DLC1: variants seen among roughly 807,000 people sequenced by gnomAD.
DLC1 encodes the protein DLC1 Rho GTPase activating protein.
DLC1 carries 54 observed loss-of-function variants against 140.3 expected under a neutral mutation model. The ratio of observed to expected loss-of-function variants is 0.38; its 90% confidence interval spans 0.31 to 0.48. DLC1 has a LOEUF of 0.48. Among genes scored for constraint, DLC1 ranks in the 20% least tolerant of loss-of-function variants. The pLI is 0.96. For synonymous variants in DLC1, 986 were observed against 728.1 expected, an observed-to-expected ratio of 1.35 and a Z score of -5.70; for missense variants, 2,536 against 1,907.0, an observed-to-expected ratio of 1.33 and a Z score of -6.14.
intron 4 of DLC1, among the ~76,000 whole-genome samples, chr8:13,347,875 G>C (rs142141767): frequency 1.9e-4 from 29 of 152,150 alleles, no homozygotes; most frequent in African/African-American, 7.0e-4. Context: ...GGATCACAAG[G>C]TCAGGATATC....
chr8:13,412,863 C>A lies in DLC1; in HGVS notation c.1024-11244G>T, dbSNP rs565640268. 4.9e-3 allele frequency among the ~76,000 whole-genome samples: 671 copies of A among 137,624 alleles called. 3 individuals carry two copies. The highest frequency in any genetic ancestry group is 0.017 in the African/African-American group (642 of 37,246). 90.3% of individuals were successfully genotyped at this position (137,624 alleles called of 152,430 possible). On this transcript the variant is annotated intron_variant, in intron 2 of 17. Coordinates refer to ENST00000276297, the MANE Select transcript of DLC1 (RefSeq NM_182643.3). ...AGGAGAATGGCGTGAACCCAGGAGG[C>A]GGAGCTTGCAGTAAGCTGAGATCGT...
chr8:13,562,731 A>G (rs538511204), intron 1 of DLC1, among the ~76,000 whole-genome samples: 143 of 152,310 alleles, frequency 9.4e-4, no homozygotes, highest in African/African-American at 3.3e-3. Context: ...TCTTGAAAAT[A>G]TATCTCCACA....
chr8:13,199,571 T>C (rs1017179500), intron 5 of DLC1, among the ~76,000 whole-genome samples: 1 of 152,204 alleles, frequency 6.6e-6, no homozygotes, highest in South Asian at 2.1e-4. Context: ...TTCCCTTCTG[T>C]CTATTGTATT....
At chr8:13,091,140 C>T (rs1406661049) in intron 14 of DLC1, among the ~76,000 whole-genome samples, 178 bp downstream of exon 14, 1 of 152,126 alleles carries the variant, frequency 6.6e-6, no homozygotes, top group East Asian at 1.9e-4. Context: ...TTTCATTAAA[C>T]ATGATTAACT....
At chr8:13,104,577 A>G (rs1189743307) in intron 7 of DLC1, among the ~76,000 whole-genome samples, 2 of 152,152 alleles carry the variant, frequency 1.3e-5, no homozygotes, top group African/African-American at 4.8e-5. Flanking sequence ...TTTTCCTACG[A>G]ATTGCAATTC....
At chr8:13,367,455 A>AGAAAAGC (rs1835541442) in intron 4 of DLC1, among the ~76,000 whole-genome samples, 1 of 152,200 alleles carries the variant, frequency 6.6e-6, no homozygotes, top group Non-Finnish European at 1.5e-5. Flanking sequence ...GCCCAATAGA[A>AGAAAAGC]GAAAAGCAAA....
In DLC1 at chr8:13,106,079, C is replaced by T. The variant is rs117719435; in HGVS notation, c.1503-3226G>A. On this transcript the variant is annotated intron_variant, in intron 7 of 17. Transcript: ENST00000276297. ...CCTCTTATCTCCTGGGCAACTTCTA[C>T]CCTGCTCTGAAGAGGGAGGAGTGCA... Among the ~76,000 whole-genome samples the T allele has an allele frequency of 3.3e-5, 5 of 152,268 alleles. No homozygotes were observed. The East Asian group carries it at 9.7e-4, about 29-fold the overall frequency.
chr8:13,594,760 A>G (rs1805630861), intron 1 of DLC1, among the ~76,000 whole-genome samples: 1 of 152,036 alleles, frequency 6.6e-6, no homozygotes, highest in Non-Finnish European at 1.5e-5. Context: ...TTTAATACCC[A>G]TATTTACAAT....
chr8:13,090,546 T>G, intron 14 of DLC1, 76 bp from the exon 15 acceptor site: 1 of 1,540,800 alleles, frequency 6.5e-7, no homozygotes, highest in Non-Finnish European at 8.8e-7. Flanking sequence ...TGGAAAAGAC[T>G]GGGTAGGAAC....
chr8:13,421,014 C>G (rs1005664774), intron 2 of DLC1, among the ~76,000 whole-genome samples: 1 of 152,094 alleles, frequency 6.6e-6, no homozygotes, highest in African/African-American at 2.4e-5. Flanking sequence ...GTGGGTCTCT[C>G]CGGTATGGAC....
upstream of DLC1, among the ~76,000 whole-genome samples, chr8:13,516,914 T>C (rs1335453559): frequency 2.0e-5 from 3 of 152,196 alleles, no homozygotes; most frequent in African/African-American, 7.2e-5. Context: ...TCAGATATTC[T>C]AGCTCCAAGC....
chr8:13,533,212 G>A (rs955492649), intron 1 of DLC1, among the ~76,000 whole-genome samples: 6 of 150,796 alleles, frequency 4.0e-5, no homozygotes, highest in Non-Finnish European at 5.9e-5. Context: ...ATATAACCAC[G>A]AACAATGTTA....
At chr8:13,283,293 AAC>A (rs58438325) in intron 5 of DLC1, among the ~76,000 whole-genome samples, 10,939 of 144,538 alleles carry the variant, frequency 0.076, 419 homozygotes, top group South Asian at 0.096. Flanking sequence ...ATCCTACTGA[AAC>A]ACACACACAC....
intron 7 of DLC1, 125 bp downstream of exon 7, chr8:13,110,617 C>G (rs1820007714): frequency 1.1e-6 from 1 of 871,266 alleles, no homozygotes. Context: ...TATGATCACT[C>G]TATGGTTTGC....
intron 5 of DLC1, among the ~76,000 whole-genome samples, chr8:13,181,759 CA>C (rs1359121844): frequency 1.8e-4 from 28 of 152,148 alleles, no homozygotes; most frequent in Non-Finnish European, 3.7e-4. Context: ...GGGTTGGTTC[CA>C]AGTCTTTGCT....
At chr8:13,323,283 T>C (rs1833200225) in intron 4 of DLC1, among the ~76,000 whole-genome samples, 2 of 152,264 alleles carry the variant, frequency 1.3e-5, no homozygotes, top group Non-Finnish European at 2.9e-5. Flanking sequence ...CTATATTTTA[T>C]ATACATCTGT....
intron 5 of DLC1, chr8:13,304,795 G>GA: frequency 5.2e-6 from 5 of 962,634 alleles, no homozygotes; most frequent in Non-Finnish European, 6.2e-6. Context: ...ACAGAACACA[G>GA]AAAAATACTA....
intron 5 of DLC1, among the ~76,000 whole-genome samples, chr8:13,238,482 C>T (rs1285637753): frequency 6.6e-6 from 1 of 151,828 alleles, no homozygotes; most frequent in South Asian, 2.1e-4. Context: ...CACTGCACTC[C>T]AGCCTGGGTG....
At chr8:13,524,343 G>C (rs1007230633) in intron 1 of DLC1, among the ~76,000 whole-genome samples, 2 of 151,848 alleles carry the variant, frequency 1.3e-5, no homozygotes, top group Admixed American at 1.3e-4. Context: ...TTGCCATCTT[G>C]GCCAGGCTGA....
Sources: gnomAD v4.1 joint callset for allele counts (sites outside exome capture counted in the v4.1 genomes callset) on GRCh38, gnomAD v4.1.1 for gene constraint, MANE v1.5 for transcripts, NCBI Gene and HGNC (gene_info 2026-07-23, HGNC 2026-07-21) for gene names.